Variants in SLC8A1 observed in about 807,000 individuals in gnomAD.
SLC8A1 encodes the protein solute carrier family 8 member A1.
SLC8A1 carries 18 observed loss-of-function variants against 68.3 expected under a neutral mutation model. That is an observed-to-expected ratio of 0.26 (90% CI 0.18 to 0.39). The LOEUF (loss-of-function observed/expected upper bound fraction) is 0.39, where lower values mean the gene tolerates loss of function less well. Ranked by LOEUF, SLC8A1 falls within the 10% of genes least tolerant of loss-of-function variation. The probability of loss-of-function intolerance (pLI) is 1.00; values close to 1 mark genes in which losing one functional copy is unlikely to be tolerated. For missense variants in SLC8A1, 985 were observed against 1,156.7 expected, an observed-to-expected ratio of 0.85 and a Z score of 2.15; for synonymous variants, 475 against 415.5, an observed-to-expected ratio of 1.14 and a Z score of -1.74.
At chr2:40,183,877 T>C (rs2050112604) in intron 2 of SLC8A1, among the ~76,000 whole-genome samples, 1 of 152,122 alleles carries the variant, frequency 6.6e-6, no homozygotes, top group African/African-American at 2.4e-5. Flanking sequence ...AGTTTCTGGA[T>C]AAGTGCAGTG....
At chr2:40,340,669 A>T (rs1029012935) in intron 2 of SLC8A1, among the ~76,000 whole-genome samples, 3 of 152,196 alleles carry the variant, frequency 2.0e-5, no homozygotes, top group African/African-American at 4.8e-5. Context: ...GAACTCTCTT[A>T]TCAGAAGGAG....
At chr2:40,437,698 C>T (rs887803522) in intron 1 of SLC8A1, among the ~76,000 whole-genome samples, 1 of 151,804 alleles carries the variant, frequency 6.6e-6, no homozygotes, top group African/African-American at 2.4e-5. Context: ...CATTGCAGCT[C>T]AAAAATTTAC....
intron 2 of SLC8A1, among the ~76,000 whole-genome samples, chr2:40,284,599 A>G (rs2068014639): frequency 6.8e-6 from 1 of 147,550 alleles, no homozygotes; most frequent in African/African-American, 2.5e-5. Flanking sequence ...TTTTGTTATT[A>G]CATTATATAT....
chr2:40,442,529 A>T (rs888071257), intron 1 of SLC8A1, among the ~76,000 whole-genome samples: 1 of 152,222 alleles, frequency 6.6e-6, no homozygotes, highest in Non-Finnish European at 1.5e-5. Flanking sequence ...ATCATTAGAG[A>T]AATGCAAATC....
At chr2:40,168,716 A>G (rs943752566) in intron 4 of SLC8A1, among the ~76,000 whole-genome samples, 1 of 152,142 alleles carries the variant, frequency 6.6e-6, no homozygotes, top group Non-Finnish European at 1.5e-5. Flanking sequence ...TCATTTTACT[A>G]TGGTTGAGGT....
chr2:40,259,771 A>G (rs541197174), intron 2 of SLC8A1, among the ~76,000 whole-genome samples: 1 of 152,338 alleles, frequency 6.6e-6, no homozygotes, highest in South Asian at 2.1e-4. Flanking sequence ...TTAAAACAAT[A>G]GTCTTTTTAC....
intron 2 of SLC8A1, among the ~76,000 whole-genome samples, chr2:40,293,394 T>C (rs887275008): frequency 2.6e-5 from 4 of 152,110 alleles, no homozygotes; most frequent in Non-Finnish European, 5.9e-5. Flanking sequence ...AACTCTGGAT[T>C]GTAAATAAAG....
chr2:40,381,976 G>A (rs553500783), intron 2 of SLC8A1, among the ~76,000 whole-genome samples: 1 of 152,058 alleles, frequency 6.6e-6, no homozygotes, highest in East Asian at 1.9e-4. Context: ...ATTTGAGACT[G>A]ATCTCCTATC....
In SLC8A1 at chr2:40,451,173, A is replaced by G. The variant is rs182227263; in HGVS notation, c.-25+731T>C. Among the ~76,000 whole-genome samples, 572 of 152,300 alleles carry G rather than the reference A, an allele frequency of 3.8e-3. 3 individuals are homozygous for G. Among genetic ancestry groups the G allele is most frequent in the African/African-American group, 0.013 (546 of 41,578 alleles). On this transcript the variant is annotated intron_variant, in intron 1 of 7. Transcript: ENST00000406785. The stretch of plus-strand genomic sequence containing the variant: ...CTCAGAACACAGACCATTTCCCCCA[A>G]GAGCCAGCAAAGCTCCAGAGGCAGA...
chr2:40,509,820 G>GTTT (rs34887820), intron 1 of SLC8A1, among the ~76,000 whole-genome samples: 5 of 150,896 alleles, frequency 3.3e-5, no homozygotes, highest in African/African-American at 1.2e-4. Context: ...CCTTTTTTTT[G>GTTT]TTTTTTTTCC....
intron 2 of SLC8A1, among the ~76,000 whole-genome samples, chr2:40,405,112 A>C (rs1039240461): frequency 1.3e-5 from 2 of 152,208 alleles, no homozygotes; most frequent in African/African-American, 2.4e-5. Context: ...TAAATGAAGC[A>C]GTCCTCACAA....
chr2:40,401,799 T>G (rs1688834648), intron 2 of SLC8A1, among the ~76,000 whole-genome samples: 1 of 152,128 alleles, frequency 6.6e-6, no homozygotes, highest in Non-Finnish European at 1.5e-5. Flanking sequence ...GGGTGTGTGG[T>G]TATGAGGTTA....
chr2:40,138,961 T>A (rs2041049722), intron 7 of SLC8A1, among the ~76,000 whole-genome samples: 1 of 152,230 alleles, frequency 6.6e-6, no homozygotes, highest in Non-Finnish European at 1.5e-5. Flanking sequence ...TTATCAGGTC[T>A]CCAGTAAGTA....
intron 2 of SLC8A1, among the ~76,000 whole-genome samples, chr2:40,212,553 G>T (rs1054407777): frequency 6.6e-6 from 1 of 152,092 alleles, no homozygotes; most frequent in African/African-American, 2.4e-5. Flanking sequence ...AAACTCCTGG[G>T]ATTACAGATG....
rs936980728 is a variant in SLC8A1, at chr2:40,405,071, T to G, written c.1808+23402A>C. On this transcript the variant is annotated intron_variant, in intron 2 of 7. Transcript: ENST00000406785. Reference sequence around the variant, plus strand: ...CCTCCCCAGCCCCATAGGATGTAATTCATTTCAACAGAGGATTGGAGACAA... The same window carrying G: ...CCTCCCCAGCCCCATAGGATGTAATGCATTTCAACAGAGGATTGGAGACAA... Among the ~76,000 whole-genome samples, 19 of 152,110 alleles carry G rather than the reference T, an allele frequency of 1.2e-4. 1 individual carries two copies. The highest frequency in any genetic ancestry group is 1.5e-4 in the Non-Finnish European group (10 of 68,026).
chr2:40,428,986 C>G (rs879114476), exon 2 of SLC8A1: 1 of 1,613,876 alleles, frequency 6.2e-7, no homozygotes, highest in East Asian at 2.2e-5. Flanking sequence ...ATCACCACCT[C>G]TGCGGATAAT....
At chr2:40,326,478 C>G (rs906933398) in intron 2 of SLC8A1, among the ~76,000 whole-genome samples, 1 of 151,970 alleles carries the variant, frequency 6.6e-6, no homozygotes, top group Non-Finnish European at 1.5e-5. Context: ...AAGGGAACAT[C>G]AGAGAGTTAT....
chr2:40,396,475 A>G (rs942877268), intron 2 of SLC8A1, among the ~76,000 whole-genome samples: 2 of 152,152 alleles, frequency 1.3e-5, no homozygotes, highest in Non-Finnish European at 2.9e-5. Flanking sequence ...CAAATTTAAG[A>G]TAATTAGAAG....
At chr2:40,144,597 T>C (rs1228207191) in intron 6 of SLC8A1, among the ~76,000 whole-genome samples, 2 of 152,082 alleles carry the variant, frequency 1.3e-5, no homozygotes, top group Admixed American at 1.3e-4. Flanking sequence ...GTGAAAATAT[T>C]GAGGTGCCAT....
Sources: gnomAD v4.1 joint callset for allele counts (sites outside exome capture counted in the v4.1 genomes callset) on GRCh38, gnomAD v4.1.1 for gene constraint, MANE v1.5 for transcripts, NCBI Gene and HGNC (gene_info 2026-07-23, HGNC 2026-07-21) for gene names.